The following KNDC1 variants were observed in gnomAD, a reference collection of about 807,000 sequenced individuals.
KNDC1 encodes kinase non-catalytic C-lobe domain-containing protein 1.
KNDC1 carries 106 observed loss-of-function variants against 172.8 expected under a neutral mutation model. That is an observed-to-expected ratio of 0.61 (90% CI 0.52 to 0.72). KNDC1 has a LOEUF of 0.72. Among genes scored for constraint, KNDC1 ranks in the 30% least tolerant of loss-of-function variants. The probability of loss-of-function intolerance (pLI) is 0.00; values close to 1 mark genes in which losing one functional copy is unlikely to be tolerated. For missense variants in KNDC1, 2,325 were observed against 2,394.5 expected, an observed-to-expected ratio of 0.97 and a Z score of 0.61; for synonymous variants, 1,083 against 1,062.2, an observed-to-expected ratio of 1.02 and a Z score of -0.38.
At chr10:133,172,500 G>A (rs1013709618) in intron 3 of KNDC1, among the ~76,000 whole-genome samples, 5 of 152,138 alleles carry the variant, frequency 3.3e-5, no homozygotes, top group Non-Finnish European at 5.9e-5. Flanking sequence ...ATATTGGAGT[G>A]GACTGGCGAT....
chr10:133,160,695 T>G, intron 1 of KNDC1, 126 bp downstream of exon 1: 1 of 539,310 alleles, frequency 1.9e-6, no homozygotes, highest in African/African-American at 2.0e-5. Flanking sequence ...GGCCGAGGGG[T>G]TCCCACCGCC....
At chr10:133,187,564 G>A (rs1028424862) in intron 6 of KNDC1, among the ~76,000 whole-genome samples, 2 of 152,232 alleles carry the variant, frequency 1.3e-5, no homozygotes, top group Non-Finnish European at 2.9e-5. Context: ...GCAGTGCCCC[G>A]TCGCCCTCCA....
In KNDC1 at chr10:133,220,124, C is replaced by T. The variant is rs778650926; in HGVS notation, c.5018+12C>T. On this transcript the variant is annotated intron_variant, in intron 29 of 29. Coordinates refer to ENST00000304613, the MANE Select transcript of KNDC1 (RefSeq NM_152643.8). Reference sequence around the variant, plus strand: ...TGGAGCAAGCTCAGGTGAGGAGGGGCTCAGGCGGCCGCGCGCCCAGGAGAG... The same window carrying T: ...TGGAGCAAGCTCAGGTGAGGAGGGGTTCAGGCGGCCGCGCGCCCAGGAGAG... The T allele has an allele frequency of 5.3e-6, 8 of 1,517,080 alleles. No homozygotes were observed. Among genetic ancestry groups the T allele is most frequent in the Non-Finnish European group, 7.1e-6 (8 of 1,121,600 alleles). The allele number at this position is 1,517,080 out of a possible 1,614,324, so 94.0% of individuals were successfully genotyped here. A position where few individuals can be genotyped will look rare whatever the true frequency, so the allele number is the denominator to read the frequency against.
intron 9 of KNDC1, among the ~76,000 whole-genome samples, chr10:133,193,806 A>G (rs1311298027): frequency 6.6e-6 from 1 of 152,244 alleles, no homozygotes; most frequent in Admixed American, 6.5e-5. Context: ...ACTTCAGAGC[A>G]AAGAAAATTA....
In KNDC1 at chr10:133,225,074, C is replaced by T. The variant is rs1366844895; in HGVS notation, c.*184C>T. ...GGGGACAGGCAGAGCTGGTCTCCTC[C>T]CAGCAGACGGAGCCAGGACGGGCAC... On this transcript the variant is annotated 3_prime_UTR_variant, in exon 30 of 30. Transcript: ENST00000304613. The T allele has an allele frequency of 1.7e-5, 10 of 600,212 alleles. No individual in the cohort carries two copies. The highest frequency in any genetic ancestry group is 2.1e-5 in the Non-Finnish European group (7 of 333,234). 37.2% of individuals were successfully genotyped at this position (600,212 alleles called of 1,614,324 possible). A position where few individuals can be genotyped will look rare whatever the true frequency, so the allele number is the denominator to read the frequency against.
At chr10:133,195,387 G>A (rs1337055464) in intron 9 of KNDC1, among the ~76,000 whole-genome samples, 1 of 152,212 alleles carries the variant, frequency 6.6e-6, no homozygotes, top group Non-Finnish European at 1.5e-5. Flanking sequence ...AGAGTGGAAG[G>A]TGGGAAAGTC....
rs748751738 is a variant in KNDC1, at chr10:133,218,950, C to T, written c.4797C>T (p.Ser1599=). 7 of 1,613,792 alleles carry T rather than the reference C, an allele frequency of 4.3e-6. No individual in the cohort carries two copies. In the Admixed American group the frequency reaches 1.0e-4, roughly 23 times the overall value. Residue 1599 remains serine, a synonymous_variant, in exon 27 of 30, where the codon TCC becomes TCT. Coordinates refer to ENST00000304613, the MANE Select transcript of KNDC1 (RefSeq NM_152643.8). ...SGLEHLAVRQ[S]PAWRILPAKI... Reference sequence around the variant, plus strand: ...TGGAGCACCTGGCCGTGAGGCAGTCCCCTGTGCGTCCCCCTCGGGCCCCAA... The same window carrying T: ...TGGAGCACCTGGCCGTGAGGCAGTCTCCTGTGCGTCCCCCTCGGGCCCCAA...
chr10:133,193,453 A>T (rs1020770815), intron 9 of KNDC1, among the ~76,000 whole-genome samples: 13 of 152,190 alleles, frequency 8.5e-5, no homozygotes, highest in Non-Finnish European at 1.8e-4. Flanking sequence ...GGAATCTGGG[A>T]GGTGGAGGCT....
chr10:133,197,525 C>G (rs1854228042), intron 11 of KNDC1, 150 bp from the exon 12 acceptor site: 1 of 687,822 alleles, frequency 1.5e-6, no homozygotes, highest in Non-Finnish European at 2.5e-6. Flanking sequence ...AGAGCCGCTG[C>G]AGAGCTTGGG....
chr10:133,160,492 G>T lies in KNDC1; in HGVS notation c.25G>T (p.Ala9Ser). 6.3e-7 allele frequency: 1 copy of T among 1,587,704 alleles called. No individual in the cohort carries two copies. Among genetic ancestry groups the T allele is most frequent in the Non-Finnish European group, 8.6e-7 (1 of 1,169,024 alleles). ...GATGCAGGCCATGGACCCGGCCGCGGCGGATCTTTACGAGGAGGACGGCAA... is the reference window on the plus strand; with the variant it reads ...GATGCAGGCCATGGACCCGGCCGCGTCGGATCTTTACGAGGAGGACGGCAA... MQAMDPAA[A>S]DLYEEDGKDL... Residue 9 changes from alanine (A) to serine (S), a missense_variant, in exon 1 of 30, where the codon GCG becomes TCG. Coordinates refer to ENST00000304613, the MANE Select transcript of KNDC1 (RefSeq NM_152643.8).
At position 133,207,112 on chromosome 10, in the gene KNDC1, A is replaced by G. The variant is rs559592519; in HGVS notation, c.3580-25A>G. 16 of 1,565,062 alleles carry G rather than the reference A, an allele frequency of 1.0e-5. No individual in the cohort carries two copies. In the African/African-American group the frequency reaches 1.9e-4, roughly 19 times the overall value. ...CCCTGGGGCGAGGGGCAGAGTGACC[A>G]AGCGCCCGTGTCCCGCTCCGGCAGG... On this transcript the variant is annotated intron_variant, in intron 19 of 29. Transcript: ENST00000304613.
chr10:133,194,857 G>C (rs1024441335), intron 9 of KNDC1, among the ~76,000 whole-genome samples: 27 of 152,222 alleles, frequency 1.8e-4, no homozygotes, highest in African/African-American at 6.3e-4. Flanking sequence ...TCATGTCTGT[G>C]GCCGCTCCCT....
intron 3 of KNDC1, among the ~76,000 whole-genome samples, chr10:133,174,827 T>C (rs1424690165): frequency 6.7e-6 from 1 of 150,346 alleles, no homozygotes; most frequent in Non-Finnish European, 1.5e-5. Context: ...GATATGTGGA[T>C]GGATGCGTGG....
intron 28 of KNDC1, among the ~76,000 whole-genome samples, chr10:133,219,380 C>T (rs1845534751): frequency 1.3e-5 from 2 of 152,244 alleles, no homozygotes; most frequent in Non-Finnish European, 2.9e-5. Flanking sequence ...GGGGCCTGAG[C>T]TTGACCGACC....
In KNDC1 at chr10:133,195,779, G is replaced by T. The variant is rs1201942550; in HGVS notation, c.1692G>T (p.Arg564Ser). 1.9e-6 allele frequency: 3 copies of T among 1,601,158 alleles called. No homozygotes were observed. Among genetic ancestry groups the T allele is most frequent in the Admixed American group, 3.4e-5 (2 of 58,702 alleles). ...AGACCCTCCTCCTGGACATGGCCAG[G>T]CGCAGTGCCCCGGAGCGGCCGTCCG... ...RLKTLLLDMA[R>S]RSAPERPSAA... Residue 564 changes from arginine to serine, a missense_variant, in exon 10 of 30, where the codon AGG (arginine) becomes AGT (serine). Transcript: ENST00000304613.
At chr10:133,185,031 C>T (rs533606931) in intron 5 of KNDC1, among the ~76,000 whole-genome samples, 116 of 152,404 alleles carry the variant, frequency 7.6e-4, no homozygotes, top group Non-Finnish European at 1.2e-3. Flanking sequence ...ACCTGCAGCA[C>T]GGAGCCCCGT....
At chr10:133,161,696 G>A (rs1439673514) in intron 1 of KNDC1, among the ~76,000 whole-genome samples, 2 of 152,246 alleles carry the variant, frequency 1.3e-5, no homozygotes, top group South Asian at 2.1e-4. Context: ...GGAGCAGCCA[G>A]GGGAGGCAAT....
chr10:133,167,689 G>T, intron 2 of KNDC1, 110 bp downstream of exon 2: 1 of 1,239,260 alleles, frequency 8.1e-7, no homozygotes, highest in Non-Finnish European at 1.1e-6. Flanking sequence ...AGCATGCCCG[G>T]ACCCGGGTTT....
At chr10:133,174,557 C>G (rs4838702) in intron 3 of KNDC1, among the ~76,000 whole-genome samples, 59,177 of 151,884 alleles carry the variant, frequency 0.39, 13,335 homozygotes, top group South Asian at 0.65. Context: ...ATGGTTGGAG[C>G]ATAGATTATT....
Sources: gnomAD v4.1 joint callset for allele counts (sites outside exome capture counted in the v4.1 genomes callset) on GRCh38, gnomAD v4.1.1 for gene constraint, MANE v1.5 for transcripts, NCBI Gene and HGNC (gene_info 2026-07-23, HGNC 2026-07-21) for gene names.